The following ESR1 variants were observed in gnomAD, a reference collection of about 807,000 sequenced individuals.
ESR1 encodes the protein estrogen receptor.
ESR1 carries 12 observed loss-of-function variants against 52.7 expected under a neutral mutation model. The observed-to-expected ratio is 0.23, with a 90% CI of 0.15 to 0.37. The LOEUF is 0.37. Among genes scored for constraint, ESR1 ranks in the 10% least tolerant of loss-of-function variants. The pLI is 1.00. For missense variants in ESR1, 584 were observed against 779.7 expected, an observed-to-expected ratio of 0.75 and a Z score of 2.99; for synonymous variants, 305 against 316.8, an observed-to-expected ratio of 0.96 and a Z score of 0.39.
chr6:151,736,465 C>T (rs554645735), intron 2 of ESR1, among the ~76,000 whole-genome samples: 24 of 144,710 alleles, frequency 1.7e-4, no homozygotes, highest in Admixed American at 1.4e-3. Context: ...CTCCACTTCC[C>T]GGCCTCAAGC....
At chr6:152,030,802 C>G (rs907870961) in intron 5 of ESR1, among the ~76,000 whole-genome samples, 2 of 152,204 alleles carry the variant, frequency 1.3e-5, no homozygotes, top group South Asian at 4.1e-4. Context: ...TAGACATCTA[C>G]AGAACTCTCC....
chr6:151,869,151 G>C (rs746792904), intron 2 of ESR1, among the ~76,000 whole-genome samples: 30 of 152,126 alleles, frequency 2.0e-4, no homozygotes, highest in Non-Finnish European at 4.0e-4. Flanking sequence ...CCTCTTCCTT[G>C]CTTCTTCAGC....
chr6:151,830,799 A>C (rs1203578470), intron 1 of ESR1, among the ~76,000 whole-genome samples: 1 of 152,294 alleles, frequency 6.6e-6, no homozygotes, highest in Non-Finnish European at 1.5e-5. Flanking sequence ...ATTTTTCTTA[A>C]GTGAGTGGGA....
chr6:151,683,458 CAAA>C (rs201266524), intron 1 of ESR1, among the ~76,000 whole-genome samples: 16 of 101,892 alleles, frequency 1.6e-4, no homozygotes, highest in Admixed American at 3.2e-4. Context: ...TTCATTTGAT[CAAA>C]AAAAAAAAAA....
chr6:151,899,039 A>C (rs1584052402), intron 3 of ESR1, among the ~76,000 whole-genome samples: 3 of 132,186 alleles, frequency 2.3e-5, no homozygotes, highest in East Asian at 2.4e-4. Flanking sequence ...CTGAACCCCC[A>C]CCTCCCTCCC....
At chr6:151,957,474 C>A (rs2037136594) in intron 4 of ESR1, among the ~76,000 whole-genome samples, 1 of 152,100 alleles carries the variant, frequency 6.6e-6, no homozygotes, top group Non-Finnish European at 1.5e-5. Context: ...TGCTTTCATG[C>A]CTTTCTCTTC....
chr6:151,921,362 C>T (rs1156403565), intron 3 of ESR1, among the ~76,000 whole-genome samples: 1 of 152,138 alleles, frequency 6.6e-6, no homozygotes, highest in Non-Finnish European at 1.5e-5. Context: ...GATTCCATGC[C>T]TTTACTATTG....
intron 1 of ESR1, 52 bp from the exon 2 acceptor site, chr6:151,842,545 T>G (rs2128233833): frequency 6.8e-7 from 1 of 1,472,982 alleles, no homozygotes; most frequent in Non-Finnish European, 9.4e-7. Context: ...TCCCAGAGAG[T>G]GCATGTTTTG....
intron 5 of ESR1, among the ~76,000 whole-genome samples, chr6:152,057,265 C>G (rs2047176106): frequency 6.6e-6 from 1 of 152,094 alleles, no homozygotes; most frequent in South Asian, 2.1e-4. Context: ...TGTAATAATG[C>G]TAGTGAGAGA....
At chr6:151,839,111 C>G (rs1032506322) in intron 1 of ESR1, among the ~76,000 whole-genome samples, 1 of 151,796 alleles carries the variant, frequency 6.6e-6, no homozygotes, top group Admixed American at 6.6e-5. Flanking sequence ...AATAAGACAC[C>G]AAGAACTTTG....
chr6:151,702,481 C>G (rs1044803284), intron 2 of ESR1, among the ~76,000 whole-genome samples: 3 of 152,134 alleles, frequency 2.0e-5, no homozygotes, highest in African/African-American at 7.2e-5. Context: ...TAATAGGAAG[C>G]AAAATGTGAG....
chr6:151,688,531 A>G (rs1778776149), upstream of ESR1, among the ~76,000 whole-genome samples: 1 of 152,176 alleles, frequency 6.6e-6, no homozygotes, highest in Non-Finnish European at 1.5e-5. Flanking sequence ...CATCTAGTAC[A>G]GCCAGCCCTC....
At chr6:151,741,233 C>G (rs182012402) in intron 2 of ESR1, among the ~76,000 whole-genome samples, 21 of 152,248 alleles carry the variant, frequency 1.4e-4, no homozygotes, top group African/African-American at 4.3e-4. Flanking sequence ...CTTCCTCCTT[C>G]TCCTCCTCAC....
intron 4 of ESR1, among the ~76,000 whole-genome samples, chr6:151,947,177 G>T (rs914449103): frequency 6.6e-6 from 1 of 152,106 alleles, no homozygotes; most frequent in South Asian, 2.1e-4. Context: ...AAATTAGCCA[G>T]GCTTGGTGGC....
intron 2 of ESR1, among the ~76,000 whole-genome samples, chr6:151,744,113 A>G (rs1008364428): frequency 6.6e-5 from 10 of 152,280 alleles, no homozygotes; most frequent in Admixed American, 4.6e-4. Flanking sequence ...ACACTATTCT[A>G]CTATATAAAT....
At chr6:151,687,419 T>C (rs1778733218), upstream of ESR1, among the ~76,000 whole-genome samples, 1 of 152,152 alleles carries the variant, frequency 6.6e-6, no homozygotes, top group African/African-American at 2.4e-5. Context: ...GCTAGAGTGA[T>C]AGAACTGAGA....
At chr6:151,771,542 A>AT (rs979519533) in intron 2 of ESR1, among the ~76,000 whole-genome samples, 4 of 152,188 alleles carry the variant, frequency 2.6e-5, no homozygotes, top group Non-Finnish European at 4.4e-5. Flanking sequence ...ATAAAATTGT[A>AT]TTTTTTCAAA....
In ESR1 at chr6:152,052,116, G is replaced by GC. The variant is rs1258633134; in HGVS notation, c.1236-8875_1236-8874insC. 7.2e-5 allele frequency among the ~76,000 whole-genome samples: 11 copies of GC among 152,330 alleles called. No homozygotes were observed. In the East Asian group the frequency reaches 1.7e-3, roughly 24 times the overall value. The stretch of plus-strand genomic sequence containing the variant: ...GCTTTTACTCATGGTGGAAGGCAAA[G>GC]AGAGAGCAGGCGTTTCACACAGCAA... On this transcript the variant is annotated intron_variant, in intron 5 of 7. Transcript: ENST00000206249.
intron 6 of ESR1, among the ~76,000 whole-genome samples, chr6:152,084,296 TA>T (rs1395723750): frequency 6.6e-6 from 1 of 151,738 alleles, no homozygotes; most frequent in Non-Finnish European, 1.5e-5. Context: ...GGGGGAGGGA[TA>T]GCATTAGGAG....
Sources: allele counts gnomAD v4.1 joint callset (sites outside exome capture counted in the v4.1 genomes callset), GRCh38; gene constraint gnomAD v4.1.1; transcripts MANE v1.5; gene names NCBI Gene and HGNC (gene_info 2026-07-23, HGNC 2026-07-21).